PARG: variants seen among roughly 807,000 people sequenced by gnomAD.
PARG encodes poly(ADP-ribose) glycohydrolase.
In PARG, 35 loss-of-function variants were observed where a neutral mutation model predicts 113.0. The ratio of observed to expected loss-of-function variants is 0.31; its 90% CI spans 0.24 to 0.41. PARG has a LOEUF of 0.41. Among genes scored for constraint, PARG ranks in the 10% least tolerant of loss-of-function variants. The probability of loss-of-function intolerance (pLI) is 1.00; values close to 1 mark genes in which losing one functional copy is unlikely to be tolerated. For missense variants in PARG, 797 were observed against 1,169.4 expected (o/e 0.68, Z 4.64); for synonymous variants, 330 against 409.9 (o/e 0.81, Z 2.36).
intron 15 of PARG, among the ~76,000 whole-genome samples, chr10:49,834,695 C>A (rs1171569000): frequency 2.0e-5 from 3 of 151,906 alleles, no homozygotes; most frequent in African/African-American, 7.3e-5. Flanking sequence ...TTGAGACCAG[C>A]CTGGGCAATA....
intron 16 of PARG, among the ~76,000 whole-genome samples, chr10:49,821,200 C>T (rs1844058437): frequency 6.6e-6 from 1 of 152,138 alleles, no homozygotes; most frequent in African/African-American, 2.4e-5. Context: ...CTCCAGGAAT[C>T]AAAGTTACAA....
intron 4 of PARG, among the ~76,000 whole-genome samples, chr10:49,928,251 A>G (rs1554851200): frequency 6.6e-6 from 1 of 152,020 alleles, no homozygotes; most frequent in African/African-American, 2.4e-5. Flanking sequence ...AGTCTGGGTG[A>G]CAGAGCAAGA....
chr10:49,820,412 T>C, intron 16 of PARG, 119 bp from the exon 17 acceptor site: 3 of 666,562 alleles, frequency 4.5e-6, no homozygotes, highest in Non-Finnish European at 7.5e-6. Flanking sequence ...AAACCCAGTA[T>C]ACATGGTATT....
chr10:49,937,845 A>G (rs1409553214), intron 1 of PARG, among the ~76,000 whole-genome samples: 2 of 152,158 alleles, frequency 1.3e-5, no homozygotes, highest in African/African-American at 4.8e-5. Flanking sequence ...TGCTAATAAA[A>G]CATTGATCAG....
At chr10:49,917,442 T>A (rs1238428500) in intron 6 of PARG, among the ~76,000 whole-genome samples, 1 of 144,686 alleles carries the variant, frequency 6.9e-6, no homozygotes, top group Non-Finnish European at 1.5e-5. Context: ...TGAGCCGAGG[T>A]CGTGCCACTG....
At chr10:49,822,593 C>A (rs1351083454) in intron 16 of PARG, among the ~76,000 whole-genome samples, 4 of 152,140 alleles carry the variant, frequency 2.6e-5, no homozygotes, top group Non-Finnish European at 4.4e-5. Context: ...TTCTTTGCAA[C>A]CACTGTGGTA....
chr10:49,819,506 A>G lies in PARG; in HGVS notation c.2777-12T>C. The G allele has an allele frequency of 1.3e-6, 2 of 1,548,150 alleles. No homozygotes were observed. Among genetic ancestry groups the G allele is most frequent in the Non-Finnish European group, 1.7e-6 (2 of 1,143,884 alleles). ...CTTATACACATCTCCTGGAGAGCAA[A>G]AGGTCAGACCAGAGGCACATTAAAG... On this transcript the variant is annotated splice_polypyrimidine_tract_variant and intron_variant, in intron 17 of 17. Transcript: ENST00000616448.
intron 7 of PARG, among the ~76,000 whole-genome samples, chr10:49,894,658 C>T (rs1245259541): frequency 1.3e-5 from 2 of 152,106 alleles, no homozygotes; most frequent in Non-Finnish European, 2.9e-5. Flanking sequence ...ATTGCTTTGG[C>T]ACTTTTGTTG....
chr10:49,941,018 A>G (rs1187834849), intron 1 of PARG, among the ~76,000 whole-genome samples: 4 of 152,200 alleles, frequency 2.6e-5, no homozygotes, highest in Admixed American at 2.6e-4. Flanking sequence ...GCTATCGTCT[A>G]TCTCTCCAGA....
intron 4 of PARG, among the ~76,000 whole-genome samples, chr10:49,929,418 T>TA (rs1838376532): frequency 6.6e-6 from 1 of 152,140 alleles, no homozygotes; most frequent in South Asian, 2.1e-4. Flanking sequence ...TTTTCTTTTT[T>TA]ATCCCCATGA....
chr10:49,843,549 C>A lies in PARG; in HGVS notation c.2432+5G>T. 2 of 1,543,066 alleles carry A rather than the reference C, an allele frequency of 1.3e-6. No individual in the cohort carries two copies. Among genetic ancestry groups the A allele is most frequent in the Non-Finnish European group, 1.8e-6 (2 of 1,139,146 alleles). On this transcript the variant is annotated splice_donor_5th_base_variant and intron_variant, in intron 14 of 17. Transcript: ENST00000616448. Reference sequence around the variant, plus strand: ...ATGGAATACTGAAGACAGAAACAGACTCACCTTTCACTCCCATCTTCGTGG... The same window carrying A: ...ATGGAATACTGAAGACAGAAACAGAATCACCTTTCACTCCCATCTTCGTGG...
chr10:49,919,485 CTG>C (rs1837680207), intron 6 of PARG, among the ~76,000 whole-genome samples: 1 of 152,162 alleles, frequency 6.6e-6, no homozygotes. Context: ...AAAGATTGAG[CTG>C]TCCTACTATA....
chr10:49,885,969 A>C (rs1847457132), intron 7 of PARG, among the ~76,000 whole-genome samples: 1 of 152,154 alleles, frequency 6.6e-6, no homozygotes, highest in Non-Finnish European at 1.5e-5. Context: ...GTCTTTCTAA[A>C]CATCAGGGTA....
At chr10:49,822,977 G>A (rs1554828913) in intron 16 of PARG, among the ~76,000 whole-genome samples, 1 of 152,136 alleles carries the variant, frequency 6.6e-6, no homozygotes, top group African/African-American at 2.4e-5. Context: ...ACAACTAAAT[G>A]CAGTAGCTGA....
chr10:49,927,035 G>A (rs1187988181), intron 4 of PARG, among the ~76,000 whole-genome samples: 7 of 152,126 alleles, frequency 4.6e-5, no homozygotes, highest in African/African-American at 1.2e-4. Flanking sequence ...TGGGCCGGGG[G>A]TGGTGGCTCA....
intron 8 of PARG, among the ~76,000 whole-genome samples, chr10:49,882,952 CTAAG>C (rs1420446587): frequency 2.8e-5 from 4 of 141,760 alleles, no homozygotes; most frequent in African/African-American, 1.1e-4. Context: ...AGAGAATTTA[CTAAG>C]TAAGGAGAGA....
intron 15 of PARG, among the ~76,000 whole-genome samples, chr10:49,835,740 T>C (rs1438928): frequency 0.43 from 65,856 of 151,612 alleles, 16,751 homozygotes; most frequent in East Asian, 0.6. Flanking sequence ...CACAAACTGA[T>C]GTATAAGATT....
At chr10:49,929,775 G>A (rs1445060010) in intron 4 of PARG, among the ~76,000 whole-genome samples, 4 of 149,506 alleles carry the variant, frequency 2.7e-5, no homozygotes, top group South Asian at 2.1e-4. Context: ...GCCATGAGCC[G>A]AGATCGTGCT....
At chr10:49,830,804 A>G (rs782585319) in intron 16 of PARG, among the ~76,000 whole-genome samples, 22 of 152,222 alleles carry the variant, frequency 1.4e-4, no homozygotes, top group Non-Finnish European at 1.0e-4. Context: ...TACAAGGATC[A>G]AAATGAAGTA....
Sources: gnomAD v4.1 joint callset for allele counts (sites outside exome capture counted in the v4.1 genomes callset) on GRCh38, gnomAD v4.1.1 for gene constraint, MANE v1.5 for transcripts, NCBI Gene and HGNC (gene_info 2026-07-23, HGNC 2026-07-21) for gene names.